Variants in DNM3 observed in about 807,000 individuals in gnomAD.
The protein encoded by DNM3 is dynamin 3.
In DNM3, 47 loss-of-function variants were observed where a neutral mutation model predicts 101.6. The ratio of observed to expected loss-of-function variants is 0.46; its 90% CI spans 0.37 to 0.59. The LOEUF (loss-of-function observed/expected upper bound fraction) is 0.59. Ranked by LOEUF, DNM3 falls within the 20% of genes least tolerant of loss-of-function variation. The pLI is 0.00. For synonymous variants in DNM3, 385 were observed against 387.9 expected, an observed-to-expected ratio of 0.99 and a Z score of 0.09; for missense variants, 849 against 1,085.7, an observed-to-expected ratio of 0.78 and a Z score of 3.06.
intron 1 of DNM3, among the ~76,000 whole-genome samples, chr1:171,914,921 G>T (rs1481854475): frequency 6.6e-6 from 1 of 152,110 alleles, no homozygotes; most frequent in Non-Finnish European, 1.5e-5. Context: ...AGACATGTGG[G>T]GGTGGGGGGA....
intron 4 of DNM3, among the ~76,000 whole-genome samples, chr1:172,020,820 C>G (rs148664052): frequency 1.0e-4 from 15 of 149,200 alleles, no homozygotes; most frequent in African/African-American, 3.7e-4. Context: ...GGATTTTTCT[C>G]TTTAATTTAC....
intron 13 of DNM3, among the ~76,000 whole-genome samples, chr1:172,116,825 A>G (rs1435747695): frequency 6.6e-6 from 1 of 152,184 alleles, no homozygotes; most frequent in Non-Finnish European, 1.5e-5. Flanking sequence ...TTAGTCATGA[A>G]AACTTTTTTC....
At chr1:171,889,928 C>T (rs1571438296) in intron 1 of DNM3, among the ~76,000 whole-genome samples, 1 of 152,258 alleles carries the variant, frequency 6.6e-6, no homozygotes, top group East Asian at 1.9e-4. Flanking sequence ...CTTACATGGA[C>T]ATCTAGGTGT....
chr1:172,057,702 C>A (rs1444922747), intron 10 of DNM3, among the ~76,000 whole-genome samples: 2 of 151,636 alleles, frequency 1.3e-5, no homozygotes, highest in Non-Finnish European at 2.9e-5. Flanking sequence ...AAGCACTAAA[C>A]ATGGAAAGGA....
At chr1:172,009,140 A>T (rs1374221404) in intron 4 of DNM3, among the ~76,000 whole-genome samples, 2 of 129,908 alleles carry the variant, frequency 1.5e-5, no homozygotes, top group African/African-American at 3.0e-5. Flanking sequence ...TATTTATATT[A>T]TATATATTAT....
intron 20 of DNM3, chr1:172,393,296 T>G (rs547320078): frequency 3.4e-4 from 52 of 152,362 alleles, no homozygotes; most frequent in African/African-American, 1.2e-3. Flanking sequence ...CTTTTATGTA[T>G]TTTACATATT....
intron 11 of DNM3, among the ~76,000 whole-genome samples, chr1:172,074,782 A>T (rs2052506002): frequency 6.6e-6 from 1 of 152,174 alleles, no homozygotes; most frequent in African/African-American, 2.4e-5. Context: ...ACATGCGTGT[A>T]CATGTGTCTT....
intron 10 of DNM3, among the ~76,000 whole-genome samples, chr1:172,066,126 A>G (rs1176017510): frequency 1.3e-5 from 2 of 152,158 alleles, no homozygotes; most frequent in African/African-American, 4.8e-5. Context: ...CTATAATATT[A>G]CTCAAGAATG....
intron 2 of DNM3, among the ~76,000 whole-genome samples, chr1:171,924,061 T>G (rs1356272957): frequency 6.6e-6 from 1 of 152,206 alleles, no homozygotes; most frequent in Non-Finnish European, 1.5e-5. Context: ...GTGTCCCCTG[T>G]TTTCTTTATC....
intron 16 of DNM3, among the ~76,000 whole-genome samples, chr1:172,313,468 C>T (rs1204530483): frequency 6.6e-6 from 1 of 152,148 alleles, no homozygotes; most frequent in Non-Finnish European, 1.5e-5. Context: ...GTTTTGTTGG[C>T]TTACAATATT....
chr1:172,129,162 G>A (rs974458428), intron 13 of DNM3, among the ~76,000 whole-genome samples: 2 of 152,120 alleles, frequency 1.3e-5, no homozygotes, highest in Non-Finnish European at 2.9e-5. Context: ...TGGTAGGGTG[G>A]GTAATGGTCT....
chr1:172,269,762 G>A (rs747163960), intron 15 of DNM3, among the ~76,000 whole-genome samples: 5 of 152,128 alleles, frequency 3.3e-5, no homozygotes, highest in Non-Finnish European at 5.9e-5. Flanking sequence ...CCAGTGTGGT[G>A]GTGATTTTGT....
chr1:172,202,722 A>C (rs2060195158), intron 14 of DNM3, among the ~76,000 whole-genome samples: 1 of 152,306 alleles, frequency 6.6e-6, no homozygotes, highest in Middle Eastern at 3.4e-3. Context: ...AGATATAAGA[A>C]GAAGAACATA....
intron 17 of DNM3, among the ~76,000 whole-genome samples, chr1:172,368,035 C>T (rs1558051482): frequency 6.6e-6 from 1 of 151,814 alleles, no homozygotes; most frequent in South Asian, 2.1e-4. Flanking sequence ...TTGCGTCCTA[C>T]AATACCCCAC....
intron 4 of DNM3, among the ~76,000 whole-genome samples, chr1:172,009,117 CATATAATATATATATTTATATT>C (rs1558414146): frequency 8.0e-6 from 1 of 125,180 alleles, no homozygotes; most frequent in Non-Finnish European, 1.6e-5. Context: ...TATTATATAT[CATATAATATATATATTTATATT>C]ATATATATTA....
chr1:172,318,480 A>G (rs557713650), intron 16 of DNM3, among the ~76,000 whole-genome samples: 1 of 152,356 alleles, frequency 6.6e-6, no homozygotes, highest in South Asian at 2.1e-4. Context: ...TTGTATATCT[A>G]GAAAACCCCA....
In DNM3 at chr1:172,411,755, C is replaced by A; in HGVS notation, c.*3914C>A. 1 of 985,350 alleles carries A rather than the reference C, an allele frequency of 1.0e-6. No individual in the cohort carries two copies. The highest frequency in any genetic ancestry group is 1.2e-6 in the Non-Finnish European group (1 of 829,818). 61.0% of individuals were successfully genotyped at this position (985,350 alleles called of 1,614,324 possible). On this transcript the variant is annotated 3_prime_UTR_variant, in exon 21 of 21. Coordinates refer to ENST00000627582, the MANE Select transcript of DNM3 (RefSeq NM_015569.5). ...GCCTACTAGGTCTCTAACTGTTGAACTCATGAAAGAAGATAGTGTATGAGA... is the reference window on the plus strand; with the variant it reads ...GCCTACTAGGTCTCTAACTGTTGAAATCATGAAAGAAGATAGTGTATGAGA...
chr1:171,978,614 A>G (rs2044555924), intron 2 of DNM3, among the ~76,000 whole-genome samples: 1 of 152,196 alleles, frequency 6.6e-6, no homozygotes, highest in Non-Finnish European at 1.5e-5. Context: ...AAACCAATAA[A>G]AGGCTTTAAA....
At chr1:172,276,594 T>G (rs2063301581) in intron 15 of DNM3, among the ~76,000 whole-genome samples, 1 of 151,674 alleles carries the variant, frequency 6.6e-6, no homozygotes, top group Non-Finnish European at 1.5e-5. Context: ...TGTATAGGAC[T>G]ATGTTCCAGC....
Sources: allele counts gnomAD v4.1 joint callset (sites outside exome capture counted in the v4.1 genomes callset), GRCh38; gene constraint gnomAD v4.1.1; transcripts MANE v1.5; gene names NCBI Gene and HGNC (gene_info 2026-07-23, HGNC 2026-07-21).